ERBB4: variants seen among roughly 807,000 people sequenced by gnomAD.
The protein encoded by ERBB4 is erb-b2 receptor tyrosine kinase 4, also known as receptor tyrosine-protein kinase erbB-4.
ERBB4 carries 42 observed loss-of-function variants against 158.0 expected under a neutral mutation model. The observed-to-expected ratio is 0.27, with a 90% CI of 0.21 to 0.34. The LOEUF is 0.34. Among genes scored for constraint, ERBB4 ranks in the 10% least tolerant of loss-of-function variants. ERBB4 has a pLI of 1.00. For missense variants in ERBB4, 1,333 were observed against 1,624.1 expected (o/e 0.82, Z 3.08); for synonymous variants, 583 against 558.7 (o/e 1.04, Z -0.61).
chr2:211,897,681 C>T (rs79924799), intron 3 of ERBB4, among the ~76,000 whole-genome samples: 15,115 of 151,970 alleles, frequency 0.099, 896 homozygotes, highest in African/African-American at 0.15. Context: ...CTTTTATCTA[C>T]TTTTTTTGTT....
chr2:212,428,411 C>T (rs1320885113), intron 1 of ERBB4, among the ~76,000 whole-genome samples: 4 of 152,080 alleles, frequency 2.6e-5, no homozygotes, highest in South Asian at 2.1e-4. Flanking sequence ...TCCTTCTTGG[C>T]TTTTGTTTTT....
intron 20 of ERBB4, among the ~76,000 whole-genome samples, chr2:211,496,926 T>C (rs1231766319): frequency 6.6e-6 from 1 of 151,842 alleles, no homozygotes; most frequent in East Asian, 1.9e-4. Context: ...CACACATCCC[T>C]GACATTTCAT....
intron 1 of ERBB4, among the ~76,000 whole-genome samples, chr2:212,155,716 T>A (rs2081015747): frequency 6.6e-6 from 1 of 152,114 alleles, no homozygotes; most frequent in African/African-American, 2.4e-5. Context: ...CCATCAGTTA[T>A]GAATGTAGCT....
intron 9 of ERBB4, among the ~76,000 whole-genome samples, chr2:211,706,899 G>A (rs951464803): frequency 6.6e-6 from 1 of 152,124 alleles, no homozygotes; most frequent in Admixed American, 6.6e-5. Context: ...AAATAACTAT[G>A]CTTTTGATGA....
At position 212,487,904 on chromosome 2, in the gene ERBB4, G is replaced by T. The variant is rs62186297; in HGVS notation, c.82+50545C>A. On this transcript the variant is annotated intron_variant, in intron 1 of 27. Coordinates refer to ENST00000342788, the MANE Select transcript of ERBB4 (RefSeq NM_005235.3). ...ATGACTTTGCTCCACTTACTTTCTA[G>T]CTTCCTCAAATTTTTCATACTTTGT... 8.2e-3 allele frequency among the ~76,000 whole-genome samples: 1,244 copies of T among 152,070 alleles called. 8 individuals carry two copies. Among genetic ancestry groups the T allele is most frequent in the Non-Finnish European group, 8.8e-3 (597 of 67,962 alleles).
At chr2:211,772,362 G>A (rs1340445153) in intron 4 of ERBB4, among the ~76,000 whole-genome samples, 1 of 151,014 alleles carries the variant, frequency 6.6e-6, no homozygotes, top group Non-Finnish European at 1.5e-5. Flanking sequence ...CTTGTCTAAG[G>A]GATCCACACC....
intron 1 of ERBB4, among the ~76,000 whole-genome samples, chr2:212,414,567 A>G (rs1474490761): frequency 6.6e-6 from 1 of 152,170 alleles, no homozygotes; most frequent in Non-Finnish European, 1.5e-5. Flanking sequence ...CAAGGCTCCA[A>G]TCTTAGTATT....
intron 20 of ERBB4, among the ~76,000 whole-genome samples, chr2:211,495,884 T>G (rs2065456184): frequency 6.6e-6 from 1 of 152,008 alleles, no homozygotes; most frequent in Non-Finnish European, 1.5e-5. Context: ...ATAATATCAT[T>G]TATATCTTAA....
intron 3 of ERBB4, among the ~76,000 whole-genome samples, chr2:211,937,114 C>A (rs1162776432): frequency 6.6e-6 from 1 of 152,054 alleles, no homozygotes; most frequent in Admixed American, 6.5e-5. Context: ...TCTTTAAAAT[C>A]CTGGTTCCTT....
At chr2:212,461,503 T>C (rs777713849) in intron 1 of ERBB4, among the ~76,000 whole-genome samples, 1 of 152,172 alleles carries the variant, frequency 6.6e-6, no homozygotes. Context: ...ATATACCCAA[T>C]GTTTGTACCC....
intron 3 of ERBB4, among the ~76,000 whole-genome samples, chr2:211,926,459 A>G (rs1165990571): frequency 1.3e-5 from 2 of 152,160 alleles, no homozygotes; most frequent in Admixed American, 1.3e-4. Context: ...GTTGAATGGT[A>G]CCTGTGCCAA....
rs1241053063 is a variant in ERBB4, at chr2:212,316,378, A to C, written c.83-191475T>G. 2.6e-5 allele frequency among the ~76,000 whole-genome samples: 4 copies of C among 151,588 alleles called. No individual in the cohort carries two copies. The East Asian group carries it at 7.8e-4, about 30-fold the overall frequency. ...ACTTGACAATTGAGCATTAAAGAGC[A>C]TCTGACCCCAAAGTAGTCTTTAATC... is the stretch of plus-strand genomic sequence containing the variant. On this transcript the variant is annotated intron_variant, in intron 1 of 27. Transcript: ENST00000342788.
At position 211,376,795 on chromosome 2, in the gene ERBB4, T is replaced by A. The variant is rs1375665583; in HGVS notation, c.*6820A>T. 1 of 232,992 alleles carries A rather than the reference T, an allele frequency of 4.3e-6. No individual in the cohort carries two copies. The highest frequency in any genetic ancestry group is 8.5e-6 in the Non-Finnish European group (1 of 117,686). 14.4% of individuals were successfully genotyped at this position (232,992 alleles called of 1,614,324 possible). On this transcript the variant is annotated 3_prime_UTR_variant, in exon 28 of 28. Coordinates refer to ENST00000342788, the MANE Select transcript of ERBB4 (RefSeq NM_005235.3). ...TCATTTGATCTTCTTGTAATGGTGC[T>A]CAAGAAAGAGATGAACTAGTCATAC...
chr2:211,883,547 G>T (rs1034771905), intron 3 of ERBB4, among the ~76,000 whole-genome samples: 4 of 152,148 alleles, frequency 2.6e-5, no homozygotes, highest in Non-Finnish European at 4.4e-5. Flanking sequence ...GGAGGCCGAG[G>T]CGTGAAGATT....
chr2:211,421,596 T>A (rs188258038), intron 24 of ERBB4, among the ~76,000 whole-genome samples: 430 of 152,014 alleles, frequency 2.8e-3, no homozygotes, highest in Non-Finnish European at 4.0e-3. Flanking sequence ...TTAAATAATA[T>A]ACTGAAACTT....
chr2:212,240,320 C>T (rs1416528516), intron 1 of ERBB4, among the ~76,000 whole-genome samples: 1 of 152,034 alleles, frequency 6.6e-6, no homozygotes, highest in Admixed American at 6.6e-5. Context: ...AGGTGCCCTT[C>T]CTATTCTCTA....
intron 1 of ERBB4, among the ~76,000 whole-genome samples, chr2:212,261,799 T>C (rs192158485): frequency 6.6e-6 from 1 of 152,294 alleles, no homozygotes; most frequent in East Asian, 1.9e-4. Flanking sequence ...GTGTTATATA[T>C]GTGGCATTTT....
intron 2 of ERBB4, among the ~76,000 whole-genome samples, chr2:211,948,296 T>C (rs860821): frequency 0.26 from 40,077 of 151,346 alleles, 5,678 homozygotes; most frequent in East Asian, 0.39. Flanking sequence ...ATTAGCTGGG[T>C]GTGGTGGCAG....
chr2:211,898,136 C>T (rs970185936), intron 3 of ERBB4, among the ~76,000 whole-genome samples: 3 of 151,870 alleles, frequency 2.0e-5, no homozygotes, highest in Non-Finnish European at 4.4e-5. Context: ...AAGAGTTAGT[C>T]AGTAGCTTTC....
Sources: allele counts gnomAD v4.1 joint callset (sites outside exome capture counted in the v4.1 genomes callset), GRCh38; gene constraint gnomAD v4.1.1; transcripts MANE v1.5; gene names NCBI Gene and HGNC (gene_info 2026-07-23, HGNC 2026-07-21).